The following DNAJA2 variants were observed in gnomAD, a reference collection of about 807,000 sequenced individuals.
DNAJA2 encodes dnaJ homolog subfamily A member 2.
In DNAJA2, 6 loss-of-function variants were observed where a neutral mutation model predicts 49.3. The observed-to-expected ratio is 0.12, with a 90% confidence interval of 0.07 to 0.24. The LOEUF is 0.24. Among genes scored for constraint, DNAJA2 ranks in the 10% least tolerant of loss-of-function variants. The pLI is 1.00. For synonymous variants in DNAJA2, 160 were observed against 172.7 expected (o/e 0.93, Z 0.58); for missense variants, 347 against 516.8 (o/e 0.67, Z 3.19).
At position 46,956,054 on chromosome 16, in the gene DNAJA2, G is replaced by A. The variant is rs921660942; in HGVS notation, c.*975C>T. 1 of 152,184 alleles carries A rather than the reference G, an allele frequency of 6.6e-6. No homozygotes were observed. Among genetic ancestry groups the A allele is most frequent in the Non-Finnish European group, 1.5e-5 (1 of 68,030 alleles). The allele number at this position is 152,184 out of a possible 1,614,324, so 9.4% of individuals were successfully genotyped here. A position where few individuals can be genotyped will look rare whatever the true frequency, so the allele number is the denominator to read the frequency against. On this transcript the variant is annotated 3_prime_UTR_variant, in exon 9 of 9. Transcript: ENST00000317089. ...GCATCTTTTACATTTAATGAAAACAGAGGATTTGAACACGTTCTATGCAGA... is the reference window on the plus strand; with the variant it reads ...GCATCTTTTACATTTAATGAAAACAAAGGATTTGAACACGTTCTATGCAGA...
At chr16:46,960,800 T>A (rs1369865387) in intron 6 of DNAJA2, among the ~76,000 whole-genome samples, 1 of 150,616 alleles carries the variant, frequency 6.6e-6, no homozygotes, top group Non-Finnish European at 1.5e-5. Context: ...AATAAAAAAA[T>A]TTAAAAAAGC....
intron 8 of DNAJA2, among the ~76,000 whole-genome samples, chr16:46,958,030 A>T (rs533757326): frequency 2.6e-5 from 4 of 152,350 alleles, no homozygotes; most frequent in African/African-American, 9.6e-5. Flanking sequence ...AATTGAAAGT[A>T]ACATGACTAT....
intron 3 of DNAJA2, among the ~76,000 whole-genome samples, chr16:46,968,817 A>G (rs949568506): frequency 3.3e-5 from 5 of 152,138 alleles, no homozygotes; most frequent in African/African-American, 1.2e-4. Context: ...GAGACTGAGG[A>G]GGGAGGATTG....
chr16:46,967,308 G>A (rs1024836277), intron 5 of DNAJA2, among the ~76,000 whole-genome samples: 1 of 151,796 alleles, frequency 6.6e-6, no homozygotes, highest in Non-Finnish European at 1.5e-5. Context: ...TATTGCCCAA[G>A]CTGGCCTCAA....
intron 6 of DNAJA2, among the ~76,000 whole-genome samples, chr16:46,961,953 C>T (rs1020970079): frequency 6.6e-6 from 1 of 152,008 alleles, no homozygotes. Context: ...CACAAACAGG[C>T]ACACTGACAA....
chr16:46,957,257 T>C (rs369681262), intron 8 of DNAJA2, 37 bp from the exon 9 acceptor site: 2 of 1,527,528 alleles, frequency 1.3e-6, no homozygotes, highest in East Asian at 2.3e-5. Flanking sequence ...TTGGTTGTAA[T>C]ATTTTCATCA....
rs748749503 is a variant in DNAJA2, at chr16:46,973,476, C to A, written c.78+19G>T. On this transcript the variant is annotated intron_variant, in intron 1 of 8. Coordinates refer to ENST00000317089, the MANE Select transcript of DNAJA2 (RefSeq NM_005880.4). Reference sequence around the variant, plus strand: ...CAGGCCCCGCGCCCCTCACACCCGCCCGGCCCGCTCCCAGATACCTTCTTC... The same window carrying A: ...CAGGCCCCGCGCCCCTCACACCCGCACGGCCCGCTCCCAGATACCTTCTTC... The A allele has an allele frequency of 1.9e-6, 3 of 1,590,104 alleles. No homozygotes were observed. Among genetic ancestry groups the A allele is most frequent in the Non-Finnish European group, 2.6e-6 (3 of 1,172,876 alleles).
At chr16:46,964,504 T>C (rs1357294804) in intron 6 of DNAJA2, 107 bp downstream of exon 6, 2 of 1,030,942 alleles carry the variant, frequency 1.9e-6, no homozygotes, top group East Asian at 2.5e-5. Flanking sequence ...ACTTCACCAG[T>C]GTTCAGTGTT....
chr16:46,972,945 G>A (rs1962075908), intron 1 of DNAJA2: 1 of 152,280 alleles, frequency 6.6e-6, no homozygotes, highest in Non-Finnish European at 1.5e-5. Flanking sequence ...ACGCAGAGAG[G>A]GAGGAGCTCC....
chr16:46,957,656 A>G (rs1961834757), intron 8 of DNAJA2, among the ~76,000 whole-genome samples: 1 of 152,192 alleles, frequency 6.6e-6, no homozygotes, highest in Admixed American at 6.5e-5. Flanking sequence ...ACTCTAAGTA[A>G]AAGATCACAA....
At chr16:46,957,287 G>T in intron 8 of DNAJA2, 67 bp from the exon 9 acceptor site, 1 of 1,384,952 alleles carries the variant, frequency 7.2e-7, no homozygotes, top group Non-Finnish European at 9.8e-7. Context: ...TTGATACATA[G>T]AATCCAGTGT....
At position 46,959,376 on chromosome 16, in the gene DNAJA2, A is replaced by G; in HGVS notation, c.818T>C (p.Ile273Thr). Reference protein sequence around the residue: ...DGNDLHMTYKIGLVEALCGFQ... With the variant: ...DGNDLHMTYKTGLVEALCGFQ... ...TCCACATAGAGCTTCAACAAGTCCT[A>G]TTTTATATGTCATGTGCAAATCATT... Residue 273 changes from isoleucine to threonine, a missense_variant, in exon 7 of 9, where the codon ATA becomes ACA. Coordinates refer to ENST00000317089, the MANE Select transcript of DNAJA2 (RefSeq NM_005880.4). 1 of 1,613,784 alleles carries G rather than the reference A, an allele frequency of 6.2e-7. No individual in the cohort carries two copies. The highest frequency in any genetic ancestry group is 8.5e-7 in the Non-Finnish European group (1 of 1,179,692).
intron 8 of DNAJA2, among the ~76,000 whole-genome samples, chr16:46,957,505 AG>A (rs1224073932): frequency 6.6e-6 from 1 of 152,116 alleles, no homozygotes; most frequent in African/African-American, 2.4e-5. Context: ...CAGAAGGCTG[AG>A]GCAGGAGAAT....
chr16:46,972,000 G>T, intron 1 of DNAJA2, 45 bp from the exon 2 acceptor site: 1 of 1,357,482 alleles, frequency 7.4e-7, no homozygotes, highest in Non-Finnish European at 1.0e-6. Context: ...CTAAACACCA[G>T]TTAAAAGTTT....
Position 46,967,722 on chromosome 16 carries a change from G to A in DNAJA2, c.444-76C>T. The stretch of plus-strand genomic sequence containing the variant: ...ATAAGCTATGACACACAGAAATTGT[G>A]CTTTTACCTTCATCTTCAACCCCAA... On this transcript the variant is annotated intron_variant, in intron 4 of 8. Coordinates refer to ENST00000317089, the MANE Select transcript of DNAJA2 (RefSeq NM_005880.4). The A allele has an allele frequency of 3.8e-6, 6 of 1,579,316 alleles. No individual in the cohort carries two copies. The Admixed American group carries it at 8.7e-5, about 23-fold the overall frequency.
chr16:46,957,264 A>T lies in DNAJA2; in HGVS notation c.1048-44T>A, dbSNP rs757101179. 1.3e-5 allele frequency: 19 copies of T among 1,508,400 alleles called. No homozygotes were observed. In the South Asian group the frequency reaches 2.4e-4, roughly 19 times the overall value. The allele number at this position is 1,508,400 out of a possible 1,614,324, so 93.4% of individuals were successfully genotyped here. A position where few individuals can be genotyped will look rare whatever the true frequency, so the allele number is the denominator to read the frequency against. On this transcript the variant is annotated intron_variant, in intron 8 of 8. Transcript: ENST00000317089. The stretch of plus-strand genomic sequence containing the variant: ...AAACCAGGTTGGTTGTAATATTTTC[A>T]TCAACTTTCCTTTTGATACATAGAA...
chr16:46,968,302 T>C, intron 3 of DNAJA2, 138 bp from the exon 4 acceptor site: 2 of 584,590 alleles, frequency 3.4e-6, no homozygotes, highest in South Asian at 4.4e-5. Context: ...TCACATTAAA[T>C]CAATTAAACT....
intron 5 of DNAJA2, among the ~76,000 whole-genome samples, chr16:46,965,152 G>A (rs557710191): frequency 2.0e-5 from 3 of 152,232 alleles, no homozygotes; most frequent in South Asian, 2.1e-4. Context: ...CGAGGCTGCA[G>A]TTAGTTATAA....
At chr16:46,968,010 C>T (rs1408471546) in intron 4 of DNAJA2, 74 bp downstream of exon 4, 11 of 1,342,130 alleles carry the variant, frequency 8.2e-6, no homozygotes, top group African/African-American at 1.5e-5. Flanking sequence ...ACAATTTTTA[C>T]GTGGTACAGA....
Sources: gnomAD v4.1 joint callset for allele counts (sites outside exome capture counted in the v4.1 genomes callset) on GRCh38, gnomAD v4.1.1 for gene constraint, MANE v1.5 for transcripts, NCBI Gene and HGNC (gene_info 2026-07-23, HGNC 2026-07-21) for gene names.